Variants in SLC24A3 observed in about 807,000 individuals in gnomAD.
SLC24A3 encodes sodium/potassium/calcium exchanger 3.
SLC24A3 carries 28 observed loss-of-function variants against 75.8 expected under a neutral mutation model. The observed-to-expected ratio is 0.37, with a 90% CI of 0.27 to 0.51. The LOEUF is 0.51. Ranked by LOEUF, SLC24A3 falls within the 20% of genes least tolerant of loss-of-function variation. SLC24A3 has a pLI of 0.94. For missense variants in SLC24A3, 663 were observed against 847.8 expected, an observed-to-expected ratio of 0.78 and a Z score of 2.71; for synonymous variants, 372 against 334.1, an observed-to-expected ratio of 1.11 and a Z score of -1.24.
intron 6 of SLC24A3, among the ~76,000 whole-genome samples, chr20:19,628,420 C>T (rs919547285): frequency 6.6e-6 from 1 of 152,026 alleles, no homozygotes; most frequent in African/African-American, 2.4e-5. Flanking sequence ...AACCAGTTGA[C>T]AGGTTACAGG....
intron 2 of SLC24A3, among the ~76,000 whole-genome samples, chr20:19,313,013 C>G (rs1439791682): frequency 7.8e-6 from 1 of 127,892 alleles, no homozygotes; most frequent in Non-Finnish European, 1.7e-5. Flanking sequence ...TTCAAGTATT[C>G]TTCCTTTTCT....
chr20:19,441,947 A>C (rs544022707), intron 2 of SLC24A3, among the ~76,000 whole-genome samples: 2 of 152,296 alleles, frequency 1.3e-5, no homozygotes, highest in South Asian at 4.1e-4. Flanking sequence ...CATAGTTGAC[A>C]TTATACAGTA....
At chr20:19,718,158 G>GT (rs1184166824) in intron 16 of SLC24A3, among the ~76,000 whole-genome samples, 1 of 152,152 alleles carries the variant, frequency 6.6e-6, no homozygotes, top group East Asian at 1.9e-4. Flanking sequence ...GACACAATAT[G>GT]TTTTTTCCTT....
chr20:19,360,160 C>T (rs1377464688), intron 2 of SLC24A3, among the ~76,000 whole-genome samples: 1 of 152,152 alleles, frequency 6.6e-6, no homozygotes, highest in Non-Finnish European at 1.5e-5. Flanking sequence ...CAGATATTGC[C>T]CAGAAATGAT....
At chr20:19,371,042 C>T (rs371365465) in intron 2 of SLC24A3, among the ~76,000 whole-genome samples, 1 of 152,154 alleles carries the variant, frequency 6.6e-6, no homozygotes, top group African/African-American at 2.4e-5. Context: ...TGGTGTGGGT[C>T]TTCCCAGAAG....
intron 2 of SLC24A3, among the ~76,000 whole-genome samples, chr20:19,417,638 A>C (rs1986850114): frequency 6.6e-6 from 1 of 152,186 alleles, no homozygotes. Context: ...CAGAAGAATA[A>C]GTTGTTTATT....
chr20:19,244,100 C>T (rs750788730), intron 1 of SLC24A3: 2 of 152,120 alleles, frequency 1.3e-5, no homozygotes, highest in Admixed American at 1.3e-4. Flanking sequence ...TTTTCTCAAT[C>T]TCTCTCCTAT....
chr20:19,419,846 A>G (rs1484016591), intron 2 of SLC24A3, among the ~76,000 whole-genome samples: 1 of 134,080 alleles, frequency 7.5e-6, no homozygotes, highest in Admixed American at 7.5e-5. Context: ...TTTTTATTAT[A>G]CTCTAAGTTT....
chr20:19,702,417 G>T (rs912957180), intron 15 of SLC24A3, among the ~76,000 whole-genome samples: 1 of 152,090 alleles, frequency 6.6e-6, no homozygotes, highest in Non-Finnish European at 1.5e-5. Flanking sequence ...TTATACAAGG[G>T]CCACATTAAG....
rs145386074 is a variant in SLC24A3, at chr20:19,356,723, G to A, written c.271+75636G>A. On this transcript the variant is annotated intron_variant, in intron 2 of 16. Coordinates refer to ENST00000328041, the MANE Select transcript of SLC24A3 (RefSeq NM_020689.4). ...GGGGAATAAGGTATGTGCATCCTTG[G>A]TATCTACAGGTTCTACCAAACTGTT... Among the ~76,000 whole-genome samples, 459 of 152,132 alleles carry A rather than the reference G, an allele frequency of 3.0e-3. 4 individuals carry two copies. Among genetic ancestry groups the A allele is most frequent in the African/African-American group, 0.01 (428 of 41,478 alleles).
intron 2 of SLC24A3, among the ~76,000 whole-genome samples, chr20:19,394,308 T>C (rs1986415156): frequency 6.6e-6 from 1 of 152,170 alleles, no homozygotes; most frequent in Non-Finnish European, 1.5e-5. Flanking sequence ...CAGGGATTTC[T>C]CAGATATGAC....
chr20:19,709,284 G>A lies in SLC24A3; in HGVS notation c.1720-8244G>A, dbSNP rs991081758. ...GTTTAGGAGAAAGTCCTAAGGCAAC[G>A]AGGCAGGAATGGCTGTTGGGAGGCA... On this transcript the variant is annotated intron_variant, in intron 15 of 16. Coordinates refer to ENST00000328041, the MANE Select transcript of SLC24A3 (RefSeq NM_020689.4). Among the ~76,000 whole-genome samples, 40 of 152,146 alleles carry A rather than the reference G, an allele frequency of 2.6e-4. 1 individual carries two copies. Among genetic ancestry groups the A allele is most frequent in the Admixed American group, 2.2e-3 (34 of 15,278 alleles).
intron 2 of SLC24A3, among the ~76,000 whole-genome samples, chr20:19,500,620 A>G (rs1180149697): frequency 6.6e-6 from 1 of 152,220 alleles, no homozygotes; most frequent in African/African-American, 2.4e-5. Flanking sequence ...AATGCCCTGA[A>G]ATTCAAAGTT....
chr20:19,701,588 T>C (rs1206906080), intron 15 of SLC24A3, among the ~76,000 whole-genome samples: 1 of 152,188 alleles, frequency 6.6e-6, no homozygotes, highest in Admixed American at 6.5e-5. Context: ...TACTCAGTCA[T>C]ACGTGACAAG....
At chr20:19,704,523 A>G (rs966513030) in intron 15 of SLC24A3, among the ~76,000 whole-genome samples, 4 of 152,242 alleles carry the variant, frequency 2.6e-5, no homozygotes, top group African/African-American at 9.6e-5. Flanking sequence ...TGAGTGGGGA[A>G]GGATAGACAG....
At chr20:19,616,160 G>A (rs147694990) in intron 6 of SLC24A3, among the ~76,000 whole-genome samples, 150 of 152,306 alleles carry the variant, frequency 9.8e-4, no homozygotes, top group African/African-American at 3.2e-3. Context: ...GAACAAATAT[G>A]GTTCATCCTG....
At chr20:19,299,101 A>G (rs1984131610) in intron 2 of SLC24A3, among the ~76,000 whole-genome samples, 1 of 152,136 alleles carries the variant, frequency 6.6e-6, no homozygotes, top group South Asian at 2.1e-4. Context: ...CCCCCCAACT[A>G]CATGATTTCA....
intron 2 of SLC24A3, among the ~76,000 whole-genome samples, chr20:19,288,568 A>G (rs548511708): frequency 8.5e-4 from 129 of 152,332 alleles, no homozygotes; most frequent in Non-Finnish European, 1.6e-3. Flanking sequence ...ATTTCAAAGC[A>G]TTTTCACATT....
At chr20:19,515,869 G>A (rs1005221550) in intron 3 of SLC24A3, among the ~76,000 whole-genome samples, 30 of 152,260 alleles carry the variant, frequency 2.0e-4, no homozygotes, top group Non-Finnish European at 4.0e-4. Flanking sequence ...CCACCCTCTT[G>A]GGGAGCCCTT....
Sources: allele counts gnomAD v4.1 joint callset (sites outside exome capture counted in the v4.1 genomes callset), GRCh38; gene constraint gnomAD v4.1.1; transcripts MANE v1.5; gene names NCBI Gene and HGNC (gene_info 2026-07-23, HGNC 2026-07-21).